The following TP53BP1 variants were observed in gnomAD, a reference collection of about 807,000 sequenced individuals.
TP53BP1 encodes the protein TP53-binding protein 1.
Under a neutral mutation model 200.8 loss-of-function variants are expected in TP53BP1, and 61 were observed. The observed-to-expected ratio is 0.30, with a 90% CI of 0.25 to 0.38. The LOEUF (loss-of-function observed/expected upper bound fraction) is 0.38, where lower values mean the gene tolerates loss of function less well. Ranked by LOEUF, TP53BP1 falls within the 10% of genes least tolerant of loss-of-function variation. The pLI is 1.00. For synonymous variants in TP53BP1, 822 were observed against 844.3 expected (o/e 0.97, Z 0.46); for missense variants, 2,144 against 2,371.9 (o/e 0.90, Z 2.00).
At chr15:43,429,368 A>G (rs1379034189) in intron 17 of TP53BP1, among the ~76,000 whole-genome samples, 5 of 152,160 alleles carry the variant, frequency 3.3e-5, no homozygotes, top group Non-Finnish European at 5.9e-5. Flanking sequence ...ATTTTTTCAC[A>G]TCTTTATCCT....
rs2045646076 is a variant in TP53BP1 at position 43,430,592 on chromosome 15, G to A, written c.3675+1602C>T. Among the ~76,000 whole-genome samples, 3 of 152,114 alleles carry A rather than the reference G, an allele frequency of 2.0e-5. No homozygotes were observed. In the South Asian group the frequency reaches 6.2e-4, roughly 32 times the overall value. On this transcript the variant is annotated intron_variant, in intron 17 of 27. Transcript: ENST00000382044. ...AAGATTTCCTAAGTAGATCCCAAAT[G>A]AAGATAATCTACCACAGCAACTGAA... is the stretch of plus-strand genomic sequence containing the variant.
chr15:43,418,181 A>T lies in TP53BP1; in HGVS notation c.4682-1765T>A, dbSNP rs374144098. On this transcript the variant is annotated intron_variant, in intron 21 of 27. Transcript: ENST00000382044. ...GGCGACAGAGCAAGGCTCTGTTTTT[A>T]AAAAAAAAAAAAAAAAAAAAAAAAT... 4.3e-3 allele frequency among the ~76,000 whole-genome samples: 473 copies of T among 110,548 alleles called. 1 individual carries two copies. Among genetic ancestry groups the T allele is most frequent in the African/African-American group, 0.012 (342 of 27,478 alleles). The allele number at this position is 110,548 out of a possible 152,430, so 72.5% of individuals were successfully genotyped here. A position where few individuals can be genotyped will look rare whatever the true frequency, so the allele number is the denominator to read the frequency against.
intron 7 of TP53BP1, among the ~76,000 whole-genome samples, chr15:43,478,368 T>C (rs868452757): frequency 6.6e-5 from 10 of 152,202 alleles, no homozygotes; most frequent in Admixed American, 2.0e-4. Context: ...AGGCAGCATC[T>C]AAAAGAAAAG....
intron 1 of TP53BP1, among the ~76,000 whole-genome samples, chr15:43,500,591 G>T (rs1283017671): frequency 6.6e-6 from 1 of 151,804 alleles, no homozygotes; most frequent in Non-Finnish European, 1.5e-5. Flanking sequence ...AGGCTGAGGT[G>T]GGTGGACCAC....
chr15:43,509,188 C>CGGT (rs1555411523), intron 1 of TP53BP1, among the ~76,000 whole-genome samples: 1 of 1,558 alleles, frequency 6.4e-4, no homozygotes, highest in Admixed American at 9.1e-3. Context: ...GATCCACAAA[C>CGGT]GGGGGGGGGG....
rs547688865 is a variant in TP53BP1 at position 43,422,161 on chromosome 15, T to G, written c.3829-35A>C. 6.3e-6 allele frequency: 10 copies of G among 1,599,978 alleles called. No individual in the cohort carries two copies. The South Asian group carries it at 1.0e-4, about 16-fold the overall frequency. ...AAAAATAGATACAGAAGATAAAAGA[T>G]GCCATAATAACACAATGCTAATATG... is the stretch of plus-strand genomic sequence containing the variant. On this transcript the variant is annotated intron_variant, in intron 18 of 27. Coordinates refer to ENST00000382044, the MANE Select transcript of TP53BP1 (RefSeq NM_001141980.3).
chr15:43,469,887 G>C lies in TP53BP1; in HGVS notation c.1360C>G (p.Pro454Ala). 4.3e-6 allele frequency: 7 copies of C among 1,613,792 alleles called. No homozygotes were observed. Among genetic ancestry groups the C allele is most frequent in the Non-Finnish European group, 5.9e-6 (7 of 1,179,898 alleles). Residue 454 changes from proline (P) to alanine (A), a missense_variant, in exon 11 of 28, where the codon CCT (proline) becomes GCT (alanine). Pro to Ala is a conservative substitution (Grantham distance 27). Around this residue, in one of 4 missense-constraint regions of TP53BP1, gnomAD observed 1,700 missense variants for 1,710.3 expected, o/e 0.99. Transcript: ENST00000382044. ...STPVFPPGSLPIPSQPQFSHD... is the reference protein window; with the variant it reads ...STPVFPPGSLAIPSQPQFSHD... Reference sequence around the variant, plus strand: ...GAAAACTGAGGCTGGGATGGGATAGGAAGTGACCCAGGAGGGAAGACTGGT... The same window carrying C: ...GAAAACTGAGGCTGGGATGGGATAGCAAGTGACCCAGGAGGGAAGACTGGT...
chr15:43,484,393 G>C (rs1471653947), intron 4 of TP53BP1, among the ~76,000 whole-genome samples: 1 of 152,116 alleles, frequency 6.6e-6, no homozygotes. Context: ...TTCCTTGTTG[G>C]TCTTCCTGCC....
intron 12 of TP53BP1, among the ~76,000 whole-genome samples, chr15:43,455,651 G>A (rs1027864541): frequency 8.6e-5 from 13 of 151,988 alleles, no homozygotes; most frequent in African/African-American, 3.1e-4. Context: ...AACCCGGGAG[G>A]TGGAGGTTGC....
chr15:43,408,797 C>T, intron 26 of TP53BP1, 100 bp downstream of exon 26: 6 of 1,211,496 alleles, frequency 5.0e-6, no homozygotes, highest in Non-Finnish European at 7.1e-6. Context: ...CACAGACATT[C>T]CAATTTCTAG....
chr15:43,491,345 C>T (rs1274916456), intron 4 of TP53BP1, among the ~76,000 whole-genome samples: 3 of 151,898 alleles, frequency 2.0e-5, no homozygotes, highest in African/African-American at 7.3e-5. Flanking sequence ...CCTCTCAAAG[C>T]GCTGGGATTA....
chr15:43,461,968 A>T (rs2046444476), intron 11 of TP53BP1, among the ~76,000 whole-genome samples: 1 of 151,584 alleles, frequency 6.6e-6, no homozygotes, highest in Non-Finnish European at 1.5e-5. Context: ...GAACCTGGCC[A>T]TTCTACTCTT....
At chr15:43,505,048 T>C (rs987878270) in intron 1 of TP53BP1, among the ~76,000 whole-genome samples, 2 of 152,044 alleles carry the variant, frequency 1.3e-5, no homozygotes, top group African/African-American at 2.4e-5. Flanking sequence ...ATTTTAAAAA[T>C]AAAATAAAAA....
chr15:43,453,835 G>A (rs991834947), intron 12 of TP53BP1, among the ~76,000 whole-genome samples: 4 of 151,234 alleles, frequency 2.6e-5, no homozygotes, highest in Non-Finnish European at 4.4e-5. Flanking sequence ...GTGAGCCACC[G>A]CACCCGGCCA....
At chr15:43,495,611 A>G (rs993753055), upstream of TP53BP1, among the ~76,000 whole-genome samples, 1 of 151,902 alleles carries the variant, frequency 6.6e-6, no homozygotes, top group African/African-American at 2.4e-5. Context: ...AGGTCAGGAG[A>G]TCGAGACCAT....
intron 11 of TP53BP1, among the ~76,000 whole-genome samples, chr15:43,467,500 C>T (rs955894931): frequency 2.0e-5 from 3 of 149,516 alleles, no homozygotes; most frequent in African/African-American, 7.7e-5. Context: ...TTCAGAATCA[C>T]TCATTTGTCT....
chr15:43,493,227 C>G (rs2079154584), upstream of TP53BP1: 1 of 1,464,984 alleles, frequency 6.8e-7, no homozygotes, highest in South Asian at 1.3e-5. Context: ...CAAGAAATCC[C>G]GTGGATGATA....
chr15:43,432,547 C>T lies in TP53BP1; in HGVS notation c.3322G>A (p.Ala1108Thr). The T allele has an allele frequency of 6.2e-7, 1 of 1,614,182 alleles. No homozygotes were observed. Among genetic ancestry groups the T allele is most frequent in the South Asian group, 1.1e-5 (1 of 91,086 alleles). ...ISPVKDPVSP[A>T]SQKMVIQGPS... ...CCTTGTATGACCATCTTCTGGGAAG[C>T]AGGAGAAACAGGGTCCTTGACAGGA... The change falls in exon 17 of 28, where the codon GCT becomes ACT. Residue 1108 changes from alanine (A) to threonine (T), a missense_variant. This residue lies in a region of TP53BP1 where 1,700 missense variants were observed against 1,710.3 expected (regional missense o/e 0.99). Coordinates refer to ENST00000382044, the MANE Select transcript of TP53BP1 (RefSeq NM_001141980.3).
chr15:43,411,941 T>G (rs2045127801), intron 24 of TP53BP1, among the ~76,000 whole-genome samples: 3 of 152,134 alleles, frequency 2.0e-5, no homozygotes, highest in Admixed American at 2.0e-4. Flanking sequence ...AAAAAACCCA[T>G]GACCATGACC....
Sources: gnomAD v4.1 joint callset for allele counts (sites outside exome capture counted in the v4.1 genomes callset) on GRCh38, gnomAD v4.1.1 for gene constraint, gnomAD v4.1.1 regional missense constraint, MANE v1.5 for transcripts, NCBI Gene and HGNC (gene_info 2026-07-23, HGNC 2026-07-21) for gene names.